The following CNTNAP2 variants were observed in gnomAD, a reference collection of about 807,000 sequenced individuals.
CNTNAP2 encodes contactin associated protein 2.
A neutral mutation model predicts 155.2 loss-of-function variants in CNTNAP2; 98 were observed. That is an observed-to-expected ratio of 0.63 (90% CI 0.54 to 0.75). The LOEUF is 0.75. Among genes scored for constraint, CNTNAP2 ranks in the 30% least tolerant of loss-of-function variants. CNTNAP2 has a pLI of 0.00. For synonymous variants in CNTNAP2, 651 were observed against 631.2 expected (o/e 1.03, Z -0.47); for missense variants, 1,727 against 1,688.1 (o/e 1.02, Z -0.40).
intron 1 of CNTNAP2, among the ~76,000 whole-genome samples, chr7:146,553,864 C>T (rs1264462662): frequency 2.0e-5 from 3 of 151,928 alleles, no homozygotes; most frequent in African/African-American, 2.4e-5. Context: ...TACTCATGAC[C>T]GGCATAGTTT....
chr7:148,253,112 T>C (rs2116819307), intron 20 of CNTNAP2, among the ~76,000 whole-genome samples: 1 of 152,196 alleles, frequency 6.6e-6, no homozygotes. Context: ...CCCAGTTTTG[T>C]ATAGATCAAT....
intron 15 of CNTNAP2, among the ~76,000 whole-genome samples, chr7:148,094,980 T>G (rs1803931176): frequency 6.6e-6 from 1 of 151,898 alleles, no homozygotes; most frequent in Non-Finnish European, 1.5e-5. Flanking sequence ...TAAGAGATAA[T>G]AAGAGGCAGT....
chr7:146,285,253 A>T (rs913196635), intron 1 of CNTNAP2, among the ~76,000 whole-genome samples: 5 of 152,178 alleles, frequency 3.3e-5, no homozygotes, highest in African/African-American at 1.2e-4. Context: ...TAAAACAATA[A>T]TCTAAAATGA....
At chr7:147,638,837 A>C in intron 12 of CNTNAP2, 5 of 580,840 alleles carry the variant, frequency 8.6e-6, no homozygotes, top group African/African-American at 4.0e-5. Context: ...ACAAGATACA[A>C]AAGCTTTTTT....
intron 8 of CNTNAP2, among the ~76,000 whole-genome samples, chr7:147,232,296 C>T (rs903260915): frequency 2.0e-5 from 3 of 152,178 alleles, no homozygotes; most frequent in Non-Finnish European, 4.4e-5. Flanking sequence ...ATTCCAATGG[C>T]GTTTTTCACG....
At chr7:147,961,248 T>A (rs141944957) in intron 14 of CNTNAP2, among the ~76,000 whole-genome samples, 1 of 152,200 alleles carries the variant, frequency 6.6e-6, no homozygotes. Context: ...AAAATCCATG[T>A]ATCTTACTAT....
intron 10 of CNTNAP2, among the ~76,000 whole-genome samples, chr7:147,400,649 G>A (rs899621): frequency 0.47 from 71,394 of 151,928 alleles, 19,549 homozygotes; most frequent in African/African-American, 0.77. Context: ...CAGAAGCAGA[G>A]ATGAGACACA....
intron 13 of CNTNAP2, among the ~76,000 whole-genome samples, chr7:147,811,595 A>G (rs905289839): frequency 4.6e-5 from 7 of 152,182 alleles, no homozygotes; most frequent in African/African-American, 1.7e-4. Flanking sequence ...AATAATCGTT[A>G]CTGTATTTTA....
At chr7:146,941,235 TTTTGTTG>T in intron 3 of CNTNAP2, among the ~76,000 whole-genome samples, 1 of 152,174 alleles carries the variant, frequency 6.6e-6, no homozygotes, top group Admixed American at 6.5e-5. Context: ...GGTACAATTA[TTTTGTTG>T]CTTTTTATTT....
chr7:146,543,942 C>T (rs902692796), intron 1 of CNTNAP2, among the ~76,000 whole-genome samples: 1 of 151,774 alleles, frequency 6.6e-6, no homozygotes, highest in African/African-American at 2.4e-5. Context: ...TTTTGCAGTC[C>T]ACTCCTGACT....
intron 13 of CNTNAP2, among the ~76,000 whole-genome samples, chr7:147,790,196 A>G (rs1797799000): frequency 1.3e-5 from 2 of 151,982 alleles, no homozygotes; most frequent in Admixed American, 6.6e-5. Flanking sequence ...GCCTTCCTCA[A>G]CTGTCCTGTG....
At chr7:147,034,037 C>T (rs1799097372) in intron 3 of CNTNAP2, among the ~76,000 whole-genome samples, 1 of 152,096 alleles carries the variant, frequency 6.6e-6, no homozygotes, top group Non-Finnish European at 1.5e-5. Context: ...TTTATAGCTA[C>T]TCCTTAATTA....
chr7:147,429,865 G>A (rs1045621584), intron 10 of CNTNAP2, among the ~76,000 whole-genome samples: 7 of 152,002 alleles, frequency 4.6e-5, no homozygotes, highest in Non-Finnish European at 8.8e-5. Context: ...AGATCAGTTG[G>A]CTGTAAATAT....
intron 2 of CNTNAP2, chr7:146,782,362 G>A (rs1802506401): frequency 6.6e-6 from 1 of 152,110 alleles, no homozygotes; most frequent in African/African-American, 2.4e-5. Flanking sequence ...TATTTTGGCT[G>A]GTCATACTTC....
chr7:148,374,204 TTC>T, intron 21 of CNTNAP2, among the ~76,000 whole-genome samples: 1 of 152,258 alleles, frequency 6.6e-6, no homozygotes, highest in East Asian at 1.9e-4. Context: ...GGATTTTTTT[TTC>T]TTCTCTTGGG....
chr7:146,809,554 G>A (rs1375185062), intron 2 of CNTNAP2, among the ~76,000 whole-genome samples: 1 of 151,868 alleles, frequency 6.6e-6, no homozygotes, highest in African/African-American at 2.4e-5. Context: ...AGTAGAGACG[G>A]GGTTTTACCA....
intron 2 of CNTNAP2, among the ~76,000 whole-genome samples, chr7:146,803,550 G>T (rs1403733909): frequency 6.6e-6 from 1 of 152,098 alleles, no homozygotes; most frequent in Non-Finnish European, 1.5e-5. Flanking sequence ...CAATAAATTT[G>T]CATTAAACAA....
chr7:147,350,389 T>A (rs1795948332), intron 9 of CNTNAP2, among the ~76,000 whole-genome samples: 1 of 151,918 alleles, frequency 6.6e-6, no homozygotes. Flanking sequence ...AATACCCCTC[T>A]AAGCGAATCA....
chr7:147,447,469 G>A (rs1389830157), intron 10 of CNTNAP2, among the ~76,000 whole-genome samples: 1 of 152,164 alleles, frequency 6.6e-6, no homozygotes, highest in African/African-American at 2.4e-5. Flanking sequence ...AGGCTGGAGT[G>A]CGGTGGCACA....
Sources: allele counts gnomAD v4.1 joint callset (sites outside exome capture counted in the v4.1 genomes callset), GRCh38; gene constraint gnomAD v4.1.1; transcripts MANE v1.5; gene names NCBI Gene and HGNC (gene_info 2026-07-23, HGNC 2026-07-21).